SIPA1L1: variants seen among roughly 807,000 people sequenced by gnomAD.
The protein encoded by SIPA1L1 is signal induced proliferation associated 1 like 1.
Under a neutral mutation model 162.7 loss-of-function variants are expected in SIPA1L1, and 26 were observed. The observed-to-expected ratio is 0.16, with a 90% confidence interval of 0.12 to 0.22. The LOEUF (loss-of-function observed/expected upper bound fraction) is 0.22, where lower values mean the gene tolerates loss of function less well. Among genes scored for constraint, SIPA1L1 ranks in the 10% least tolerant of loss-of-function variants. The probability of loss-of-function intolerance (pLI) is 1.00; values close to 1 mark genes in which losing one functional copy is unlikely to be tolerated. For missense variants in SIPA1L1, 1,874 were observed against 2,241.0 expected, an observed-to-expected ratio of 0.84 and a Z score of 3.31; for synonymous variants, 829 against 837.4, an observed-to-expected ratio of 0.99 and a Z score of 0.17.
chr14:71,343,765 G>A (rs1423608658), intron 2 of SIPA1L1, among the ~76,000 whole-genome samples: 1 of 152,208 alleles, frequency 6.6e-6, no homozygotes, highest in African/African-American at 2.4e-5. Context: ...TGTGGAAGCA[G>A]CATCTTGGGG....
chr14:71,672,936 T>C (rs2044685833), intron 12 of SIPA1L1, among the ~76,000 whole-genome samples: 1 of 152,210 alleles, frequency 6.6e-6, no homozygotes, highest in Non-Finnish European at 1.5e-5. Flanking sequence ...TGAGAAACAT[T>C]GAACACATTG....
Position 71,739,101 on chromosome 14 carries a change from C to G in SIPA1L1, c.5292C>G (p.Asn1764Lys). The change falls in exon 24 of 24, where the codon AAC becomes AAG. Residue 1764 changes from asparagine to lysine, a missense_variant. Asn to Lys is a moderately conservative substitution (Grantham distance 94). This residue lies in a region of SIPA1L1 where 936 missense variants were observed against 1,051.9 expected (regional missense o/e 0.89). Transcript: ENST00000381232. ...DNLRLQEESQNASDKLKKFTE... is the reference protein window; with the variant it reads ...DNLRLQEESQKASDKLKKFTE... ...TGAGGCTACAGGAGGAGTCCCAGAA[C>G]GCCTCGGACAAGCTGAAGAAGTTCA... The G allele has an allele frequency of 6.2e-7, 1 of 1,614,068 alleles. No homozygotes were observed. The highest frequency in any genetic ancestry group is 8.5e-7 in the Non-Finnish European group (1 of 1,179,966).
intron 2 of SIPA1L1, among the ~76,000 whole-genome samples, chr14:71,442,705 A>G (rs1480546546): frequency 6.6e-6 from 1 of 152,100 alleles, no homozygotes; most frequent in Non-Finnish European, 1.5e-5. Context: ...AGGTGGGAGG[A>G]TTGCGTAAGC....
At chr14:71,462,945 A>G (rs933266516) in intron 2 of SIPA1L1, among the ~76,000 whole-genome samples, 3 of 152,242 alleles carry the variant, frequency 2.0e-5, no homozygotes, top group Non-Finnish European at 4.4e-5. Flanking sequence ...TGCCACGTCT[A>G]TGGCTGCATA....
At chr14:71,599,915 A>T (rs768902465) in intron 5 of SIPA1L1, among the ~76,000 whole-genome samples, 2 of 151,986 alleles carry the variant, frequency 1.3e-5, no homozygotes, top group African/African-American at 2.4e-5. Context: ...ATATGTGTGT[A>T]TTCTTTTCAG....
In SIPA1L1 at chr14:71,658,412, A is replaced by G. The variant is rs748432523; in HGVS notation, c.2073A>G (p.Pro691=). 6 of 1,603,268 alleles carry G rather than the reference A, an allele frequency of 3.7e-6. No individual in the cohort carries two copies. Among genetic ancestry groups the G allele is most frequent in the South Asian group, 3.3e-5 (3 of 90,870 alleles). Reference sequence around the variant, plus strand: ...TGTTCCATGTTTCTACCATGCTGCCATACACACCCAACAACAAACAACAGG... The same window carrying G: ...TGTTCCATGTTTCTACCATGCTGCCGTACACACCCAACAACAAACAACAGG... ...EIMFHVSTML[P]YTPNNKQQLL... The change falls in exon 9 of 24, where the codon CCA becomes CCG. Residue 691 remains proline (P), a synonymous_variant. Transcript: ENST00000381232.
chr14:71,426,184 A>G (rs1402843796), intron 2 of SIPA1L1, among the ~76,000 whole-genome samples: 4 of 152,030 alleles, frequency 2.6e-5, no homozygotes, highest in Non-Finnish European at 5.9e-5. Flanking sequence ...GGTTGTTTTT[A>G]TCTGTTCTAC....
intron 15 of SIPA1L1, among the ~76,000 whole-genome samples, chr14:71,703,883 T>G (rs1019761938): frequency 6.6e-6 from 1 of 152,178 alleles, no homozygotes; most frequent in Admixed American, 6.5e-5. Flanking sequence ...CCCTCTAGTC[T>G]TTTTTTCCCT....
intron 6 of SIPA1L1, 58 bp from the exon 7 acceptor site, chr14:71,623,990 A>C: frequency 1.4e-6 from 2 of 1,441,776 alleles, no homozygotes; most frequent in Non-Finnish European, 1.9e-6. Context: ...GTGCATGTAC[A>C]TGTGTTCAGG....
intron 2 of SIPA1L1, among the ~76,000 whole-genome samples, chr14:71,367,398 C>T (rs2038413581): frequency 6.6e-6 from 1 of 151,450 alleles, no homozygotes; most frequent in African/African-American, 2.4e-5. Flanking sequence ...ACTCCGCCTC[C>T]CGGGTTTCTG....
chr14:71,568,445 CA>C (rs2146895841), intron 4 of SIPA1L1, among the ~76,000 whole-genome samples: 1 of 152,244 alleles, frequency 6.6e-6, no homozygotes, highest in African/African-American at 2.4e-5. Flanking sequence ...TGAGTTCTGA[CA>C]AAAGGTGGTA....
chr14:71,720,978 T>G (rs868636480), intron 17 of SIPA1L1, among the ~76,000 whole-genome samples: 2 of 152,318 alleles, frequency 1.3e-5, no homozygotes, highest in Middle Eastern at 3.4e-3. Flanking sequence ...TGAGGTTATG[T>G]CTTCCTGGAT....
In SIPA1L1 at chr14:71,620,974, C is replaced by G. The variant is rs1567330228; in HGVS notation, c.1629+2087C>G. On this transcript the variant is annotated intron_variant, in intron 6 of 23. Coordinates refer to ENST00000381232, the MANE Select transcript of SIPA1L1 (RefSeq NM_001386936.1). Reference sequence around the variant, plus strand: ...TTTTTTACGTTCAAATTAATGTTCACTTTATGACAACTCTATTACTGTATT... The same window carrying G: ...TTTTTTACGTTCAAATTAATGTTCAGTTTATGACAACTCTATTACTGTATT... Among the ~76,000 whole-genome samples, 4 of 152,198 alleles carry G rather than the reference C, an allele frequency of 2.6e-5. 1 individual carries two copies. The East Asian group carries it at 5.8e-4, about 22-fold the overall frequency.
In SIPA1L1 at chr14:71,709,657, C is replaced by T. The variant is rs369817628; in HGVS notation, c.4201C>T (p.His1401Tyr). 46 of 1,610,534 alleles carry T rather than the reference C, an allele frequency of 2.9e-5. No homozygotes were observed. The highest frequency in any genetic ancestry group is 3.7e-5 in the Non-Finnish European group (43 of 1,177,738). ...STFSINDAAS[H>Y]TSTMSSRHSA... ...CTTCAGTATAAACGATGCTGCTTCC[C>T]ACACAAGGTAACCACCCTTCCCCGC... The change falls in exon 17 of 24, where the codon CAC (histidine) becomes TAC (tyrosine). Residue 1401 changes from histidine (H) to tyrosine (Y), a missense_variant. His to Tyr is a moderately conservative substitution (Grantham distance 83). Transcript: ENST00000381232.
intron 7 of SIPA1L1, among the ~76,000 whole-genome samples, chr14:71,640,646 A>G (rs990330702): frequency 6.6e-6 from 1 of 152,166 alleles, no homozygotes. Context: ...CTTCTTTGAG[A>G]CGGAGTCTCA....
At chr14:71,413,402 GT>G (rs1464493965) in intron 2 of SIPA1L1, among the ~76,000 whole-genome samples, 3 of 152,196 alleles carry the variant, frequency 2.0e-5, no homozygotes, top group African/African-American at 7.2e-5. Flanking sequence ...AGAATTTGTT[GT>G]TTAAGTGGGA....
rs184141486 is a variant in SIPA1L1 at position 71,359,423 on chromosome 14, A to G, written c.-465+38242A>G. ...ATGAGAACAGACTAATACACCTTAT[A>G]TGTACATCTCCTCCATATAATTTGT... On this transcript the variant is annotated intron_variant, in intron 2 of 23. Transcript: ENST00000381232. 3.3e-5 allele frequency among the ~76,000 whole-genome samples: 5 copies of G among 152,300 alleles called. No homozygotes were observed. In the East Asian group the frequency reaches 9.6e-4, roughly 29 times the overall value.
At chr14:71,519,206 G>A (rs1454566988) in intron 3 of SIPA1L1, among the ~76,000 whole-genome samples, 1 of 151,558 alleles carries the variant, frequency 6.6e-6, no homozygotes, top group Non-Finnish European at 1.5e-5. Flanking sequence ...TGTGGTGGGA[G>A]GATCACTTGA....
chr14:71,513,738 C>G (rs146620103), intron 3 of SIPA1L1, among the ~76,000 whole-genome samples: 3 of 152,208 alleles, frequency 2.0e-5, no homozygotes, highest in African/African-American at 7.2e-5. Context: ...AGTGATCCAC[C>G]TAGGCTTCCC....
Sources: allele counts gnomAD v4.1 joint callset (sites outside exome capture counted in the v4.1 genomes callset), GRCh38; gene constraint gnomAD v4.1.1; regional missense constraint gnomAD v4.1.1; transcripts MANE v1.5; gene names NCBI Gene and HGNC (gene_info 2026-07-23, HGNC 2026-07-21).